PEAK1: variants seen among roughly 807,000 people sequenced by gnomAD.
PEAK1 encodes the protein inactive tyrosine-protein kinase PEAK1.
In PEAK1, 54 loss-of-function variants were observed where a neutral mutation model predicts 124.7. The observed-to-expected ratio is 0.43, with a 90% CI of 0.35 to 0.54. PEAK1 has a LOEUF of 0.54. Among genes scored for constraint, PEAK1 ranks in the 20% least tolerant of loss-of-function variants. The pLI, the probability that PEAK1 is intolerant of heterozygous loss-of-function variation, is 0.01. For synonymous variants in PEAK1, 719 were observed against 760.0 expected (o/e 0.95, Z 0.89); for missense variants, 2,046 against 2,134.5 (o/e 0.96, Z 0.82).
chr15:77,215,485 C>G (rs2152869181), intron 6 of PEAK1, among the ~76,000 whole-genome samples: 1 of 152,312 alleles, frequency 6.6e-6, no homozygotes, highest in East Asian at 1.9e-4. Context: ...CCTATGCACA[C>G]TCTCGTATAC....
intron 5 of PEAK1, among the ~76,000 whole-genome samples, chr15:77,277,895 C>T (rs2062421367): frequency 6.6e-6 from 1 of 152,040 alleles, no homozygotes; most frequent in African/African-American, 2.4e-5. Flanking sequence ...ATTTTTAGGG[C>T]AGTGAAAATA....
chr15:77,301,503 C>A (rs1282210417), intron 2 of PEAK1, among the ~76,000 whole-genome samples: 2 of 152,152 alleles, frequency 1.3e-5, no homozygotes, highest in Non-Finnish European at 2.9e-5. Context: ...ATCATTATTA[C>A]CTTGACAGTT....
chr15:77,237,430 C>CTT lies in PEAK1; in HGVS notation c.-115+14935_-115+14936dup, dbSNP rs35516784. Among the ~76,000 whole-genome samples, 335 of 145,364 alleles carry CTT rather than the reference C, an allele frequency of 2.3e-3. 3 individuals are homozygous for CTT. Among genetic ancestry groups the CTT allele is most frequent in the Non-Finnish European group, 4.0e-3 (268 of 66,200 alleles). ...CTTTATTTTATTCCTGCTATTTAAA[C>CTT]TTTTTTTTTTTTCAAATATCCAGTT... is the stretch of plus-strand genomic sequence containing the variant. On this transcript the variant is annotated intron_variant, in intron 6 of 9. Coordinates refer to ENST00000682557, the MANE Select transcript of PEAK1 (RefSeq NM_001385026.1).
At chr15:77,334,785 T>A in intron 2 of PEAK1, 6 of 985,436 alleles carry the variant, frequency 6.1e-6, no homozygotes, top group Non-Finnish European at 7.2e-6. Flanking sequence ...TCTTATTTTG[T>A]CATTTTGATT....
chr15:77,138,978 A>G (rs892557205), intron 8 of PEAK1, among the ~76,000 whole-genome samples: 1 of 152,134 alleles, frequency 6.6e-6, no homozygotes, highest in African/African-American at 2.4e-5. Flanking sequence ...ACAAACACAC[A>G]TATTACTAGT....
chr15:77,147,940 T>G (rs1469487052), intron 8 of PEAK1, among the ~76,000 whole-genome samples: 1 of 152,224 alleles, frequency 6.6e-6, no homozygotes, highest in Admixed American at 6.5e-5. Context: ...ACTAGGCATT[T>G]GAAATGTTGT....
chr15:77,335,586 C>T (rs1187938879), intron 2 of PEAK1: 6 of 777,856 alleles, frequency 7.7e-6, no homozygotes, highest in African/African-American at 5.7e-5. Flanking sequence ...TTAAGCGAAC[C>T]GCCTGACACA....
chr15:77,234,412 A>T (rs2152900852), intron 6 of PEAK1, among the ~76,000 whole-genome samples: 1 of 152,216 alleles, frequency 6.6e-6, no homozygotes, highest in Middle Eastern at 3.4e-3. Flanking sequence ...CATTCGTTTT[A>T]AAAATCTTTA....
intron 6 of PEAK1, among the ~76,000 whole-genome samples, chr15:77,226,004 T>C (rs2059627377): frequency 7.3e-6 from 1 of 136,244 alleles, no homozygotes; most frequent in African/African-American, 2.7e-5. Context: ...ATCAATGCTT[T>C]CTTTTTAATT....
At chr15:77,345,470 T>C (rs17385059) in intron 2 of PEAK1, among the ~76,000 whole-genome samples, 34,349 of 152,080 alleles carry the variant, frequency 0.23, 4,326 homozygotes, top group Middle Eastern at 0.3. Context: ...ACCAGAGGTT[T>C]TGAAAAGATA....
intron 4 of PEAK1, 133 bp from the exon 5 acceptor site, chr15:77,284,163 T>A (rs1281990389): frequency 3.5e-6 from 1 of 284,872 alleles, no homozygotes; most frequent in Admixed American, 6.5e-5. Context: ...AGTATGGTGA[T>A]GAGGCTCACA....
intron 1 of PEAK1, among the ~76,000 whole-genome samples, chr15:77,400,576 A>G (rs1379531684): frequency 6.6e-6 from 1 of 152,202 alleles, no homozygotes; most frequent in African/African-American, 2.4e-5. Context: ...CAAACTTTGC[A>G]TGCTCTCACT....
At chr15:77,407,190 C>T (rs578069309) in intron 1 of PEAK1, among the ~76,000 whole-genome samples, 1 of 152,162 alleles carries the variant, frequency 6.6e-6, no homozygotes, top group South Asian at 2.1e-4. Context: ...TCGGAAAAAC[C>T]CTTCTAGATA....
At chr15:77,320,879 A>G (rs943088038) in intron 2 of PEAK1, among the ~76,000 whole-genome samples, 2 of 148,990 alleles carry the variant, frequency 1.3e-5, no homozygotes, top group African/African-American at 2.5e-5. Flanking sequence ...CTCATTGTTC[A>G]ATTCCCACCT....
chr15:77,225,664 A>ATTTT (rs1218798434), intron 6 of PEAK1, among the ~76,000 whole-genome samples: 5 of 55,422 alleles, frequency 9.0e-5, no homozygotes, highest in African/African-American at 3.2e-4. Context: ...TGTGTGTATA[A>ATTTT]TTTATATATA....
At chr15:77,186,629 A>T (rs1408278796) in intron 6 of PEAK1, among the ~76,000 whole-genome samples, 3 of 150,206 alleles carry the variant, frequency 2.0e-5, no homozygotes, top group Non-Finnish European at 4.5e-5. Context: ...ATAATAATAA[A>T]AAACAAAAAA....
chr15:77,124,538 C>G (rs1408089801), intron 9 of PEAK1, among the ~76,000 whole-genome samples: 1 of 152,224 alleles, frequency 6.6e-6, no homozygotes, highest in Non-Finnish European at 1.5e-5. Context: ...CCCATACTCA[C>G]CAGACATGGT....
intron 8 of PEAK1, 187 bp downstream of exon 8, chr15:77,158,316 G>A (rs1005308176): frequency 3.4e-6 from 2 of 590,928 alleles, no homozygotes; most frequent in Non-Finnish European, 6.0e-6. Context: ...GCTCATGGGT[G>A]CAGGTGTTTA....
chr15:77,227,177 G>A (rs1240213944), intron 6 of PEAK1, among the ~76,000 whole-genome samples: 3 of 152,060 alleles, frequency 2.0e-5, no homozygotes, highest in Non-Finnish European at 4.4e-5. Context: ...TACTAGACTG[G>A]AAAAACAAAA....
Sources: gnomAD v4.1 joint callset for allele counts (sites outside exome capture counted in the v4.1 genomes callset) on GRCh38, gnomAD v4.1.1 for gene constraint, MANE v1.5 for transcripts, NCBI Gene and HGNC (gene_info 2026-07-23, HGNC 2026-07-21) for gene names.